DENND1B: variants seen among roughly 807,000 people sequenced by gnomAD.
DENND1B encodes the protein DENN domain-containing protein 1B.
A neutral mutation model predicts 90.1 loss-of-function variants in DENND1B; 59 were observed. The observed-to-expected ratio is 0.65, with a 90% confidence interval of 0.53 to 0.81. DENND1B has a LOEUF of 0.81. Among genes scored for constraint, DENND1B ranks in the 40% least tolerant of loss-of-function variants. The pLI is 0.00. For missense variants in DENND1B, 862 were observed against 912.6 expected, an observed-to-expected ratio of 0.94 and a Z score of 0.71; for synonymous variants, 337 against 324.6, an observed-to-expected ratio of 1.04 and a Z score of -0.41.
At chr1:197,608,675 G>T (rs1181919441) in intron 12 of DENND1B, among the ~76,000 whole-genome samples, 2 of 150,394 alleles carry the variant, frequency 1.3e-5, no homozygotes, top group Non-Finnish European at 3.0e-5. Flanking sequence ...ATTTGTTAAG[G>T]GATAAAATGA....
Position 197,630,406 on chromosome 1 carries a change from C to T in DENND1B, c.672+12305G>A, listed in dbSNP as rs1679223338. On this transcript the variant is annotated intron_variant, in intron 10 of 22. Coordinates refer to ENST00000620048, the MANE Select transcript of DENND1B (RefSeq NM_001195215.2). ...CACGGCAGGAGGGACTGAACAGCTC[C>T]CTTGAAGCTCTTTTATAAGGTCACT... 2.0e-5 allele frequency among the ~76,000 whole-genome samples: 3 copies of T among 152,026 alleles called. 1 individual carries two copies. The South Asian group carries it at 6.2e-4, about 32-fold the overall frequency.
At chr1:197,549,543 AG>A (rs1015119900) in intron 16 of DENND1B, among the ~76,000 whole-genome samples, 1 of 152,092 alleles carries the variant, frequency 6.6e-6, no homozygotes, top group Non-Finnish European at 1.5e-5. Context: ...TGTAAAAACT[AG>A]TTTTATTTTA....
At chr1:197,591,214 C>T (rs1236548229) in intron 14 of DENND1B, among the ~76,000 whole-genome samples, 4 of 152,050 alleles carry the variant, frequency 2.6e-5, no homozygotes, top group Non-Finnish European at 5.9e-5. Context: ...TTGTTTATTA[C>T]TGCTAGAGAA....
intron 2 of DENND1B, among the ~76,000 whole-genome samples, chr1:197,762,439 T>C (rs188725904): frequency 5.9e-5 from 9 of 152,202 alleles, no homozygotes; most frequent in Admixed American, 5.9e-4. Flanking sequence ...TTAAATAAAA[T>C]TGTACTGTGT....
chr1:197,699,771 T>C (rs1377438450), intron 3 of DENND1B, among the ~76,000 whole-genome samples: 2 of 151,690 alleles, frequency 1.3e-5, no homozygotes, highest in East Asian at 3.9e-4. Flanking sequence ...CAAACTACCA[T>C]CAGAGAATAA....
chr1:197,677,123 G>T (rs932210487), intron 3 of DENND1B, among the ~76,000 whole-genome samples: 3 of 151,958 alleles, frequency 2.0e-5, no homozygotes, highest in African/African-American at 7.2e-5. Context: ...TGTCATTGTC[G>T]ATACCACTAA....
chr1:197,566,154 G>T (rs921149426), intron 15 of DENND1B, among the ~76,000 whole-genome samples: 21 of 151,994 alleles, frequency 1.4e-4, no homozygotes, highest in African/African-American at 4.3e-4. Context: ...AGCACCTGTT[G>T]TTTCCTGACT....
rs149319030 is a variant in DENND1B, at chr1:197,583,686, A to G, written c.1048-433T>C. On this transcript the variant is annotated intron_variant, in intron 14 of 22. Transcript: ENST00000620048. ...ATGATCATTAATTTGTTTTTTAATT[A>G]ATGAAAAGATTTTACAATCACCTTC... is the stretch of plus-strand genomic sequence containing the variant. Among the ~76,000 whole-genome samples the G allele has an allele frequency of 3.1e-3, 476 of 152,342 alleles. 1 individual carries two copies. The highest frequency in any genetic ancestry group is 8.5e-3 in the South Asian group (41 of 4,830).
chr1:197,506,241 G>C lies in DENND1B; in HGVS notation c.*4219C>G, dbSNP rs1219927731. The C allele has an allele frequency of 6.6e-6, 1 of 151,518 alleles. No individual in the cohort carries two copies. The highest frequency in any genetic ancestry group is 1.5e-5 in the Non-Finnish European group (1 of 67,620). The allele number at this position is 151,518 out of a possible 1,614,324, so 9.4% of individuals were successfully genotyped here. Reference sequence around the variant, plus strand: ...AAATAAAATATTCTTCTGTCTAAATGTATATAATTCCTTATTTCTTCATCA... The same window carrying C: ...AAATAAAATATTCTTCTGTCTAAATCTATATAATTCCTTATTTCTTCATCA... On this transcript the variant is annotated 3_prime_UTR_variant, in exon 23 of 23. Transcript: ENST00000620048.
In DENND1B at chr1:197,703,797, T is replaced by G. The variant is rs77743951; in HGVS notation, c.126+11234A>C. On this transcript the variant is annotated intron_variant, in intron 3 of 22. Transcript: ENST00000620048. ...ATTCTCAAATTTGAATATTCACACTTTTTTATTTTCTTAGGTTGCAAACAT... is the reference window on the plus strand; with the variant it reads ...ATTCTCAAATTTGAATATTCACACTGTTTTATTTTCTTAGGTTGCAAACAT... Among the ~76,000 whole-genome samples the G allele has an allele frequency of 8.4e-3, 1,281 of 152,316 alleles. 18 individuals are homozygous for G. Among genetic ancestry groups the G allele is most frequent in the African/African-American group, 0.028 (1,177 of 41,564 alleles).
chr1:197,523,980 A>AC (rs1668963040), intron 20 of DENND1B, among the ~76,000 whole-genome samples: 10 of 152,064 alleles, frequency 6.6e-5, no homozygotes, highest in Non-Finnish European at 1.3e-4. Flanking sequence ...GATAAAAAAA[A>AC]CTCAAATGAT....
chr1:197,746,423 T>C (rs1340395111), intron 2 of DENND1B, among the ~76,000 whole-genome samples: 2 of 152,118 alleles, frequency 1.3e-5, no homozygotes, highest in Non-Finnish European at 2.9e-5. Flanking sequence ...AGAAGATCAC[T>C]GACTACACTA....
chr1:197,764,508 C>A (rs1383273703), intron 2 of DENND1B, among the ~76,000 whole-genome samples: 1 of 152,072 alleles, frequency 6.6e-6, no homozygotes, highest in African/African-American at 2.4e-5. Flanking sequence ...TGAATTAATA[C>A]TCTGACTAAA....
At chr1:197,771,245 G>A (rs1028235946) in intron 2 of DENND1B, among the ~76,000 whole-genome samples, 4 of 152,034 alleles carry the variant, frequency 2.6e-5, no homozygotes, top group African/African-American at 4.8e-5. Context: ...GTTACTTCAC[G>A]CACCTTCGGT....
At chr1:197,659,800 C>G (rs898150930) in intron 5 of DENND1B, among the ~76,000 whole-genome samples, 5 of 151,858 alleles carry the variant, frequency 3.3e-5, no homozygotes, top group African/African-American at 1.2e-4. Flanking sequence ...AAGAAAAAAG[C>G]CCCTCGAAGT....
At chr1:197,734,426 A>C in intron 2 of DENND1B, 1 of 985,148 alleles carries the variant, frequency 1.0e-6, no homozygotes, top group South Asian at 4.7e-5. Flanking sequence ...ATATTTTGTA[A>C]TTTAAACCAA....
At position 197,526,728 on chromosome 1, in the gene DENND1B, C is replaced by T. The variant is rs375593891; in HGVS notation, c.1515+13236G>A. 4.6e-5 allele frequency among the ~76,000 whole-genome samples: 7 copies of T among 152,104 alleles called. No individual in the cohort carries two copies. In the South Asian group the frequency reaches 6.2e-4, roughly 14 times the overall value. ...TCTTCCATTATATGTTATTAATATA[C>T]TAGTATTGTTCAGCAGAGCTAAACA... On this transcript the variant is annotated intron_variant, in intron 20 of 22. Coordinates refer to ENST00000620048, the MANE Select transcript of DENND1B (RefSeq NM_001195215.2).
At position 197,512,907 on chromosome 1, in the gene DENND1B, T is replaced by C; in HGVS notation, c.1562A>G (p.Asp521Gly). ...PLKSLDGALYDDEDDDDIERA... is the reference protein window; with the variant it reads ...PLKSLDGALYGDEDDDDIERA... ...TTCAATGTCATCATCATCTTCATCA[T>C]CATATAGAGCACCATCAAGGCTCTT... Residue 521 changes from aspartate (D) to glycine (G), a missense_variant, in exon 21 of 23, where the codon GAT becomes GGT. Coordinates refer to ENST00000620048, the MANE Select transcript of DENND1B (RefSeq NM_001195215.2). 6.2e-7 allele frequency: 1 copy of C among 1,610,814 alleles called. No individual in the cohort carries two copies. The highest frequency in any genetic ancestry group is 2.2e-5 in the East Asian group (1 of 44,772).
chr1:197,763,733 T>C (rs1655376472), intron 2 of DENND1B, among the ~76,000 whole-genome samples: 1 of 152,226 alleles, frequency 6.6e-6, no homozygotes, highest in Non-Finnish European at 1.5e-5. Flanking sequence ...ATCTCACAAC[T>C]ACCCGCAAGA....
Sources: gnomAD v4.1 joint callset for allele counts (sites outside exome capture counted in the v4.1 genomes callset) on GRCh38, gnomAD v4.1.1 for gene constraint, MANE v1.5 for transcripts, NCBI Gene and HGNC (gene_info 2026-07-23, HGNC 2026-07-21) for gene names.